TBC1D5: variants seen among roughly 807,000 people sequenced by gnomAD.
The protein encoded by TBC1D5 is TBC1 domain family, member 5.
A neutral mutation model predicts 100.3 loss-of-function variants in TBC1D5; 75 were observed. That is an observed-to-expected ratio of 0.75 (90% CI 0.62 to 0.91). The LOEUF (loss-of-function observed/expected upper bound fraction) is 0.91. Ranked by LOEUF, TBC1D5 falls within the 40% of genes least tolerant of loss-of-function variation. The probability of loss-of-function intolerance (pLI) is 0.00; values close to 1 mark genes in which losing one functional copy is unlikely to be tolerated. For missense variants in TBC1D5, 910 were observed against 942.4 expected (o/e 0.97, Z 0.45); for synonymous variants, 323 against 325.6 (o/e 0.99, Z 0.09).
At chr3:17,383,770 C>T in intron 9 of TBC1D5, 143 bp downstream of exon 9, 2 of 526,872 alleles carry the variant, frequency 3.8e-6, no homozygotes, top group South Asian at 4.0e-5. Context: ...TCTCACCATG[C>T]AGCTGACAAG....
chr3:17,397,519 G>C (rs1471801756), intron 8 of TBC1D5, among the ~76,000 whole-genome samples: 2 of 152,104 alleles, frequency 1.3e-5, no homozygotes, highest in East Asian at 3.9e-4. Context: ...CTACAGGTGT[G>C]TGCCACCATG....
chr3:17,233,255 T>C (rs1170286337), intron 17 of TBC1D5, among the ~76,000 whole-genome samples: 1 of 152,212 alleles, frequency 6.6e-6, no homozygotes, highest in African/African-American at 2.4e-5. Flanking sequence ...AATCAGGTTG[T>C]AATTATTTCA....
At chr3:17,562,240 A>C (rs960573932) in intron 2 of TBC1D5, 8 of 152,092 alleles carry the variant, frequency 5.3e-5, no homozygotes, top group African/African-American at 7.2e-5. Flanking sequence ...GTGAAAAAAA[A>C]CCCACAAATA....
intron 1 of TBC1D5, among the ~76,000 whole-genome samples, chr3:17,669,583 A>G (rs888778681): frequency 1.3e-5 from 2 of 152,208 alleles, no homozygotes; most frequent in African/African-American, 4.8e-5. Context: ...TTATCACTCC[A>G]TAGGGCTCCT....
intron 1 of TBC1D5, among the ~76,000 whole-genome samples, chr3:17,656,997 C>A (rs2066131818): frequency 6.6e-6 from 1 of 152,010 alleles, no homozygotes. Context: ...CCAGGTCTAG[C>A]CTTCAGCCAC....
At position 17,684,597 on chromosome 3, in the gene TBC1D5, C is replaced by T. The variant is rs76001776; in HGVS notation, c.-101+54746G>A. Among the ~76,000 whole-genome samples the T allele has an allele frequency of 0.019, 2,820 of 151,988 alleles. 206 individuals are homozygous for T. The East Asian group carries it at 0.22, about 12-fold the overall frequency. On this transcript the variant is annotated intron_variant, in intron 1 of 21. Coordinates refer to ENST00000253692, the Ensembl canonical transcript of TBC1D5. ...GAGCCCTAATAACTGCTCTATGTTA[C>T]GAAATAGAATCAGAAATGATCTTAA... is the stretch of plus-strand genomic sequence containing the variant.
At chr3:17,546,054 C>T (rs1576627941) in intron 2 of TBC1D5, among the ~76,000 whole-genome samples, 1 of 151,998 alleles carries the variant, frequency 6.6e-6, no homozygotes, top group African/African-American at 2.4e-5. Context: ...ATATAATAAT[C>T]AACAAAAAGA....
At chr3:17,706,309 C>G in intron 1 of TBC1D5, 1 of 1,493,266 alleles carries the variant, frequency 6.7e-7, no homozygotes, top group Non-Finnish European at 9.1e-7. Flanking sequence ...CTTTTCTGTT[C>G]AAACCAGAAC....
At chr3:17,293,548 T>C (rs1038735697) in intron 14 of TBC1D5, among the ~76,000 whole-genome samples, 3 of 152,370 alleles carry the variant, frequency 2.0e-5, no homozygotes, top group African/African-American at 7.2e-5. Flanking sequence ...GACTGATTAA[T>C]AGCAGCTGTT....
At chr3:17,459,676 C>T (rs747308040) in intron 3 of TBC1D5, among the ~76,000 whole-genome samples, 2 of 151,572 alleles carry the variant, frequency 1.3e-5, no homozygotes, top group Admixed American at 6.6e-5. Context: ...AATGGGAGGA[C>T]TGCCTGAGCC....
At chr3:17,621,141 T>C (rs142472609) in intron 2 of TBC1D5, among the ~76,000 whole-genome samples, 2,528 of 152,230 alleles carry the variant, frequency 0.017, 53 homozygotes, top group South Asian at 0.047. Context: ...AAGAAACCTG[T>C]GTGGATGGAT....
intron 1 of TBC1D5, among the ~76,000 whole-genome samples, chr3:17,651,402 A>G (rs1396639988): frequency 6.6e-6 from 1 of 152,216 alleles, no homozygotes; most frequent in African/African-American, 2.4e-5. Flanking sequence ...ATATTAATGT[A>G]GGTCCTCACA....
intron 2 of TBC1D5, among the ~76,000 whole-genome samples, chr3:17,602,931 G>T (rs889075791): frequency 3.3e-5 from 5 of 151,984 alleles, no homozygotes; most frequent in Non-Finnish European, 2.9e-5. Flanking sequence ...CAGTGTGCAG[G>T]TTGGCCAGAC....
intron 17 of TBC1D5, among the ~76,000 whole-genome samples, chr3:17,214,627 T>C (rs1224060100): frequency 6.9e-6 from 1 of 145,750 alleles, no homozygotes. Context: ...ATTGCACACA[T>C]ATAAAAAGAA....
intron 17 of TBC1D5, among the ~76,000 whole-genome samples, chr3:17,224,531 T>C (rs1375817): frequency 0.41 from 61,923 of 151,768 alleles, 13,278 homozygotes; most frequent in Middle Eastern, 0.49. Flanking sequence ...ACAGCATACA[T>C]TTCAAGAGCT....
intron 15 of TBC1D5, among the ~76,000 whole-genome samples, chr3:17,274,413 T>C (rs1559531505): frequency 2.0e-5 from 3 of 152,224 alleles, no homozygotes; most frequent in Admixed American, 2.0e-4. Context: ...AAATAAGATG[T>C]TATTAATTAA....
chr3:17,267,077 GAGA>G (rs999776718), intron 15 of TBC1D5, among the ~76,000 whole-genome samples: 3 of 152,098 alleles, frequency 2.0e-5, no homozygotes, highest in African/African-American at 7.2e-5. Flanking sequence ...TCAGATGGCA[GAGA>G]AGCATTTTAA....
chr3:17,199,905 T>C (rs1418768219), intron 18 of TBC1D5, among the ~76,000 whole-genome samples: 1 of 152,098 alleles, frequency 6.6e-6, no homozygotes, highest in Non-Finnish European at 1.5e-5. Flanking sequence ...AAGAAAGATA[T>C]CAAATGTTAA....
chr3:17,656,884 A>C (rs2066119549), intron 1 of TBC1D5, among the ~76,000 whole-genome samples: 1 of 152,134 alleles, frequency 6.6e-6, no homozygotes, highest in African/African-American at 2.4e-5. Context: ...ACCTAGGCCC[A>C]CACTGCTGAT....
Sources: allele counts gnomAD v4.1 joint callset (sites outside exome capture counted in the v4.1 genomes callset), GRCh38; gene constraint gnomAD v4.1.1; transcripts MANE v1.5; gene names NCBI Gene and HGNC (gene_info 2026-07-23, HGNC 2026-07-21).